The following HIPK3 variants were observed in gnomAD, a reference collection of about 807,000 sequenced individuals.
HIPK3 encodes homeodomain-interacting protein kinase 3.
In HIPK3, 47 loss-of-function variants were observed where a neutral mutation model predicts 124.2. The ratio of observed to expected loss-of-function variants is 0.38; its 90% confidence interval spans 0.30 to 0.48. The LOEUF is 0.48. HIPK3 is among the 20% of genes least tolerant of loss of function. HIPK3 has a pLI of 0.98. For missense variants in HIPK3, 1,286 were observed against 1,454.3 expected (o/e 0.88, Z 1.88); for synonymous variants, 482 against 515.2 (o/e 0.94, Z 0.87).
At chr11:33,332,212 T>C (rs914895376) in intron 3 of HIPK3, among the ~76,000 whole-genome samples, 1 of 152,370 alleles carries the variant, frequency 6.6e-6, no homozygotes, top group Non-Finnish European at 1.5e-5. Context: ...GGATTTTAGA[T>C]TCTGTAAGTA....
intron 2 of HIPK3, among the ~76,000 whole-genome samples, chr11:33,317,293 T>TTTTTG: frequency 6.8e-6 from 1 of 146,126 alleles, no homozygotes. Context: ...TTTTTTTTTT[T>TTTTTG]TGAGTCTTGC....
chr11:33,258,923 A>G (rs909645005), intron 1 of HIPK3, among the ~76,000 whole-genome samples: 4 of 150,800 alleles, frequency 2.7e-5, no homozygotes, highest in East Asian at 1.9e-4. Context: ...ACAGCAAAAA[A>G]TTTCAGTTTA....
intron 2 of HIPK3, among the ~76,000 whole-genome samples, chr11:33,327,551 TGGA>T (rs1367845511): frequency 6.6e-6 from 1 of 152,148 alleles, no homozygotes; most frequent in African/African-American, 2.4e-5. Flanking sequence ...GCTTAGAAGG[TGGA>T]GATGTATCAG....
At chr11:33,327,494 A>G (rs1195019178) in intron 2 of HIPK3, among the ~76,000 whole-genome samples, 2 of 152,212 alleles carry the variant, frequency 1.3e-5, no homozygotes, top group South Asian at 2.1e-4. Flanking sequence ...CCTTTTGCCA[A>G]AAAGGACGGT....
intron 1 of HIPK3, among the ~76,000 whole-genome samples, chr11:33,270,594 A>G (rs576599519): frequency 5.3e-5 from 8 of 152,366 alleles, no homozygotes; most frequent in African/African-American, 1.9e-4. Flanking sequence ...AAAATTGGAA[A>G]AAAAGCAGTC....
chr11:33,293,196 T>A (rs916581559), intron 2 of HIPK3, among the ~76,000 whole-genome samples: 2 of 152,208 alleles, frequency 1.3e-5, no homozygotes, highest in Non-Finnish European at 2.9e-5. Flanking sequence ...TTTTTGTTTT[T>A]AAAAACAGCT....
At chr11:33,262,962 G>A (rs747700592) in intron 1 of HIPK3, among the ~76,000 whole-genome samples, 4 of 152,078 alleles carry the variant, frequency 2.6e-5, no homozygotes, top group Non-Finnish European at 5.9e-5. Flanking sequence ...GACTACAGGA[G>A]GTATCGCCAC....
rs540832364 is a variant in HIPK3 at position 33,327,500 on chromosome 11, A to G, written c.1098-1010A>G. Among the ~76,000 whole-genome samples the G allele has an allele frequency of 7.2e-5, 11 of 152,300 alleles. No homozygotes were observed. In the East Asian group the frequency reaches 2.1e-3, roughly 29 times the overall value. ...GAGTTGGATCCTTTTGCCAAAAAGG[A>G]CGGTATTAGTATAATTGGCCAAACT... On this transcript the variant is annotated intron_variant, in intron 2 of 16. Transcript: ENST00000303296.
chr11:33,327,333 C>T (rs1344739975), intron 2 of HIPK3, among the ~76,000 whole-genome samples: 4 of 152,080 alleles, frequency 2.6e-5, no homozygotes, highest in African/African-American at 9.7e-5. Context: ...ATCAGACAAA[C>T]CCACACTGAG....
At chr11:33,322,592 G>A (rs1055764244) in intron 2 of HIPK3, among the ~76,000 whole-genome samples, 3 of 152,078 alleles carry the variant, frequency 2.0e-5, no homozygotes, top group African/African-American at 4.8e-5. Context: ...TCAGGAGGCC[G>A]AGGCAGGCAA....
At position 33,257,519 on chromosome 11, in the gene HIPK3, C is replaced by T; in HGVS notation, c.-373C>T. 1 of 985,598 alleles carries T rather than the reference C, an allele frequency of 1.0e-6. No individual in the cohort carries two copies. The highest frequency in any genetic ancestry group is 1.2e-6 in the Non-Finnish European group (1 of 830,142). The allele number at this position is 985,598 out of a possible 1,614,324, so 61.1% of individuals were successfully genotyped here. On this transcript the variant is annotated 5_prime_UTR_variant, in exon 1 of 17. Coordinates refer to ENST00000303296, the MANE Select transcript of HIPK3 (RefSeq NM_005734.5). ...GGGCGTCAGGAATGGGCCCCAATCG[C>T]CGTGGGCCCCGCACCCTGCGTCGCC...
In HIPK3 at chr11:33,356,682, T is replaced by TA. The variant is rs1853826129; in HGVS notation, c.*3116dup. 6.6e-6 allele frequency: 1 copy of TA among 152,150 alleles called. No individual in the cohort carries two copies. The highest frequency in any genetic ancestry group is 1.5e-5 in the Non-Finnish European group (1 of 67,964). The allele number at this position is 152,150 out of a possible 1,614,324, so 9.4% of individuals were successfully genotyped here. On this transcript the variant is annotated 3_prime_UTR_variant, in exon 17 of 17. Coordinates refer to ENST00000303296, the MANE Select transcript of HIPK3 (RefSeq NM_005734.5). ...AATCCAATGATACAGATTTGATTAC[T>TA]AAGTTTGAACTGTTAATTGTTTAAC... is the stretch of plus-strand genomic sequence containing the variant.
chr11:33,347,187 A>T, intron 8 of HIPK3, 106 bp from the exon 9 acceptor site: 1 of 1,192,032 alleles, frequency 8.4e-7, no homozygotes, highest in Non-Finnish European at 1.2e-6. Flanking sequence ...CTCAAAAAAA[A>T]AAAAAATCTG....
rs1853267823 is a variant in HIPK3 at position 33,339,535 on chromosome 11, G to A, written c.1613+1G>A. 1 of 1,576,922 alleles carries A rather than the reference G, an allele frequency of 6.3e-7. No individual in the cohort carries two copies. On this transcript the variant is annotated splice_donor_variant, in intron 6 of 16. Transcript: ENST00000303296. LOFTEE classifies it high-confidence loss of function. ...TTCTAGATTTCCCTCATAGCAACCA[G>A]TATGTTACTTTAAGATCTTTTAAAG... is the stretch of plus-strand genomic sequence containing the variant.
rs185624043 is a variant in HIPK3 at position 33,309,842 on chromosome 11, A to G, written c.1098-18668A>G. Among the ~76,000 whole-genome samples, 11 of 152,304 alleles carry G rather than the reference A, an allele frequency of 7.2e-5. No homozygotes were observed. In the East Asian group the frequency reaches 1.9e-3, roughly 27 times the overall value. On this transcript the variant is annotated intron_variant, in intron 2 of 16. Transcript: ENST00000303296. The stretch of plus-strand genomic sequence containing the variant: ...ATAAAGTAAAGCTTAATATTTGTTT[A>G]TGGTTCTTTTTTTGGAGGTAAATTT...
intron 2 of HIPK3, among the ~76,000 whole-genome samples, chr11:33,290,200 G>C (rs183321088): frequency 3.9e-5 from 6 of 152,244 alleles, no homozygotes; most frequent in Admixed American, 2.0e-4. Flanking sequence ...TTTAGTAGTA[G>C]AGTGCTAGAT....
chr11:33,266,342 T>C (rs569199301), intron 1 of HIPK3, among the ~76,000 whole-genome samples: 1 of 152,044 alleles, frequency 6.6e-6, no homozygotes, highest in Non-Finnish European at 1.5e-5. Flanking sequence ...ATAAATGATA[T>C]TAAAATAGTA....
At chr11:33,282,680 C>CAA (rs61598767) in intron 1 of HIPK3, among the ~76,000 whole-genome samples, 5 of 146,536 alleles carry the variant, frequency 3.4e-5, no homozygotes, top group African/African-American at 1.3e-4. Context: ...GAGACTGTAT[C>CAA]AAAAAAAAAA....
intron 1 of HIPK3, among the ~76,000 whole-genome samples, chr11:33,266,867 TATAGAG>T (rs1172142320): frequency 2.0e-5 from 3 of 152,218 alleles, no homozygotes; most frequent in Non-Finnish European, 2.9e-5. Context: ...TGAAGTATCT[TATAGAG>T]ATAAACTGTA....
Sources: gnomAD v4.1 joint callset for allele counts (sites outside exome capture counted in the v4.1 genomes callset) on GRCh38, gnomAD v4.1.1 for gene constraint, MANE v1.5 for transcripts, NCBI Gene and HGNC (gene_info 2026-07-23, HGNC 2026-07-21) for gene names.